IKBKB: variants seen among roughly 807,000 people sequenced by gnomAD.
IKBKB encodes inhibitor of nuclear factor kappa-B kinase subunit beta.
In IKBKB, 42 loss-of-function variants were observed where a neutral mutation model predicts 113.6. The observed-to-expected ratio is 0.37, with a 90% CI of 0.29 to 0.48. The LOEUF is 0.48. IKBKB is among the 20% of genes least tolerant of loss of function. The pLI, the probability that IKBKB is intolerant of heterozygous loss-of-function variation, is 0.99. For missense variants in IKBKB, 673 were observed against 939.7 expected, an observed-to-expected ratio of 0.72 and a Z score of 3.71; for synonymous variants, 296 against 361.3, an observed-to-expected ratio of 0.82 and a Z score of 2.05.
rs1050096707 is a variant in IKBKB at position 42,307,517 on chromosome 8, G to A, written c.567+1085G>A. Among the ~76,000 whole-genome samples the A allele has an allele frequency of 5.9e-5, 9 of 152,148 alleles. 1 individual carries two copies. Among genetic ancestry groups the A allele is most frequent in the African/African-American group, 2.2e-4 (9 of 41,440 alleles). On this transcript the variant is annotated intron_variant, in intron 7 of 21. Coordinates refer to ENST00000520810, the MANE Select transcript of IKBKB (RefSeq NM_001556.3). ...GGTAGGGGCAGTGAAGATGTAGAGG[G>A]CAATTAGATTCCAGGAGGGCTTAGC...
intron 8 of IKBKB, 137 bp downstream of exon 8, chr8:42,309,162 G>C: frequency 1.0e-6 from 1 of 960,434 alleles, no homozygotes; most frequent in East Asian, 2.4e-5. Context: ...AGGCCTGTCA[G>C]GACCTAGCAC....
chr8:42,283,248 AT>A (rs1374032867), intron 2 of IKBKB, among the ~76,000 whole-genome samples: 3 of 152,128 alleles, frequency 2.0e-5, no homozygotes, highest in African/African-American at 4.8e-5. Context: ...CATCTAATCT[AT>A]TTTTTGGATC....
intron 2 of IKBKB, chr8:42,272,465 A>G (rs1807986351): frequency 1.7e-6 from 1 of 585,424 alleles, no homozygotes. Context: ...ATATATGGTA[A>G]CAGTAGAATA....
At chr8:42,329,053 TTTTAAAATAGCAGTG>T in intron 20 of IKBKB, 56 bp from the exon 21 acceptor site, 1 of 1,207,834 alleles carries the variant, frequency 8.3e-7, no homozygotes, top group Non-Finnish European at 1.2e-6. Context: ...CTCTAGCATA[TTTTAAAATAGCAGTG>T]TTAGCTCTGA....
intron 5 of IKBKB, among the ~76,000 whole-genome samples, chr8:42,299,452 C>T (rs1223768733): frequency 6.6e-6 from 1 of 152,124 alleles, no homozygotes; most frequent in Admixed American, 6.6e-5. Flanking sequence ...CTGGGCATGA[C>T]CCACAGGACC....
intron 19 of IKBKB, chr8:42,324,903 TCAGCAGGGAAGGTG>T (rs1820455870): frequency 6.5e-6 from 1 of 153,370 alleles, no homozygotes; most frequent in African/African-American, 2.4e-5. Context: ...CCAGGCATGG[TCAGCAGGGAAGGTG>T]CAGCAGGAGG....
At chr8:42,320,494 T>C (rs1819552245) in intron 15 of IKBKB, 2 of 457,906 alleles carry the variant, frequency 4.4e-6, no homozygotes, top group African/African-American at 4.1e-5. Context: ...AGAAGCCTAT[T>C]TTATGCAAAA....
intron 5 of IKBKB, chr8:42,298,136 G>C: frequency 1.0e-6 from 1 of 985,398 alleles, no homozygotes; most frequent in South Asian, 4.7e-5. Flanking sequence ...GAAAACATTG[G>C]CATGTGTTTT....
At chr8:42,298,991 C>G (rs954091739) in intron 5 of IKBKB, among the ~76,000 whole-genome samples, 3 of 152,172 alleles carry the variant, frequency 2.0e-5, no homozygotes, top group Non-Finnish European at 4.4e-5. Context: ...TTTCCCTGGC[C>G]GTTCTTGTGG....
At chr8:42,273,180 G>T (rs1808190783) in intron 2 of IKBKB, among the ~76,000 whole-genome samples, 1 of 152,036 alleles carries the variant, frequency 6.6e-6, no homozygotes, top group Non-Finnish European at 1.5e-5. Context: ...ACTTTGGGAG[G>T]CCGAGGCAGG....
At chr8:42,276,629 C>T (rs1809150318) in intron 2 of IKBKB, among the ~76,000 whole-genome samples, 1 of 151,124 alleles carries the variant, frequency 6.6e-6, no homozygotes. Context: ...CTACTTTTGC[C>T]TCTGTTAACT....
intron 2 of IKBKB, among the ~76,000 whole-genome samples, chr8:42,277,214 G>A (rs1489988818): frequency 7.4e-6 from 1 of 134,340 alleles, no homozygotes; most frequent in Non-Finnish European, 1.6e-5. Flanking sequence ...ACGGAGTCAC[G>A]CTCTGTTGCC....
intron 2 of IKBKB, among the ~76,000 whole-genome samples, chr8:42,275,878 G>C (rs1179280141): frequency 6.6e-6 from 1 of 151,790 alleles, no homozygotes; most frequent in Non-Finnish European, 1.5e-5. Flanking sequence ...GTCTTGCTCT[G>C]TCAACCAGGC....
At position 42,320,719 on chromosome 8, in the gene IKBKB, AC is replaced by A; in HGVS notation, c.1579-15del. ...GCCTACCACATCAGTTGACATTAGCACAGCTTTTCCATTAGGAGAACGAAGT... is the reference window on the plus strand; with the variant it reads ...GCCTACCACATCAGTTGACATTAGCAAGCTTTTCCATTAGGAGAACGAAGT... On this transcript the variant is annotated splice_polypyrimidine_tract_variant and intron_variant, in intron 15 of 21. Coordinates refer to ENST00000520810, the MANE Select transcript of IKBKB (RefSeq NM_001556.3). 1 of 1,604,554 alleles carries A rather than the reference AC, an allele frequency of 6.2e-7. No homozygotes were observed. The highest frequency in any genetic ancestry group is 8.5e-7 in the Non-Finnish European group (1 of 1,171,444).
At chr8:42,284,027 C>G (rs1308365892) in intron 2 of IKBKB, among the ~76,000 whole-genome samples, 1 of 152,188 alleles carries the variant, frequency 6.6e-6, no homozygotes, top group Non-Finnish European at 1.5e-5. Flanking sequence ...CGTCTGAGCT[C>G]CTCTGCAAAC....
Position 42,316,969 on chromosome 8 carries a change from C to CA in IKBKB, c.1125+66dup, listed in dbSNP as rs1202053529. ...GCTGTGCCTCCTGGGAAACTCAACA[C>CA]ACTTTCAGATTTCAATTCTGCTTTG... is the stretch of plus-strand genomic sequence containing the variant. On this transcript the variant is annotated intron_variant, in intron 11 of 21. Transcript: ENST00000520810. The surrounding 1 kb of genome is among the most constrained non-coding windows in gnomAD (Gnocchi z 4.5). 1.4e-6 allele frequency: 2 copies of CA among 1,416,956 alleles called. No homozygotes were observed. The highest frequency in any genetic ancestry group is 2.0e-6 in the Non-Finnish European group (2 of 1,013,798). 87.8% of individuals were successfully genotyped at this position (1,416,956 alleles called of 1,614,324 possible). A position where few individuals can be genotyped will look rare whatever the true frequency, so the allele number is the denominator to read the frequency against.
chr8:42,279,514 C>A (rs148758389), intron 2 of IKBKB, among the ~76,000 whole-genome samples: 1 of 152,332 alleles, frequency 6.6e-6, no homozygotes, highest in Non-Finnish European at 1.5e-5. Flanking sequence ...TACTGAGAAC[C>A]TGCTATGCGC....
chr8:42,308,288 T>C (rs998814837), intron 7 of IKBKB, among the ~76,000 whole-genome samples: 4 of 149,362 alleles, frequency 2.7e-5, no homozygotes, highest in African/African-American at 7.4e-5. Context: ...TTTTCCTTTT[T>C]TTTCTTTCTT....
intron 8 of IKBKB, among the ~76,000 whole-genome samples, chr8:42,312,340 A>G (rs1177392803): frequency 6.6e-6 from 1 of 152,212 alleles, no homozygotes; most frequent in African/African-American, 2.4e-5. Flanking sequence ...TTCATAGGAA[A>G]TCTGTTGTCT....
Sources: allele counts gnomAD v4.1 joint callset (sites outside exome capture counted in the v4.1 genomes callset), GRCh38; gene constraint gnomAD v4.1.1; non-coding constraint Gnocchi (gnomAD v3.1); transcripts MANE v1.5; gene names NCBI Gene and HGNC (gene_info 2026-07-23, HGNC 2026-07-21).